Variants in TGM3 observed in about 807,000 individuals in gnomAD.
The protein encoded by TGM3 is protein-glutamine gamma-glutamyltransferase E.
In TGM3, 52 loss-of-function variants were observed where a neutral mutation model predicts 73.8. The observed-to-expected ratio is 0.70, with a 90% confidence interval of 0.56 to 0.89. The LOEUF is 0.89. Among genes scored for constraint, TGM3 ranks in the 40% least tolerant of loss-of-function variants. The pLI is 0.00. For synonymous variants in TGM3, 372 were observed against 354.9 expected, an observed-to-expected ratio of 1.05 and a Z score of -0.54; for missense variants, 928 against 909.9, an observed-to-expected ratio of 1.02 and a Z score of -0.26.
Position 2,334,799 on chromosome 20 carries a change from TA to T in TGM3, c.1643-308del, listed in dbSNP as rs959960331. On this transcript the variant is annotated intron_variant, in intron 10 of 12. Transcript: ENST00000381458. The surrounding 1 kb of genome is among the most constrained non-coding windows in gnomAD (Gnocchi z 4.0). Reference sequence around the variant, plus strand: ...TCTCTACAAATAATTTAAAAAATTTTAAAAAAAAAGGACACTTGCCCTCCAA... The same window carrying T: ...TCTCTACAAATAATTTAAAAAATTTTAAAAAAAAGGACACTTGCCCTCCAA... Among the ~76,000 whole-genome samples the T allele has an allele frequency of 2.7e-4, 41 of 151,714 alleles. No homozygotes were observed. Among genetic ancestry groups the T allele is most frequent in the East Asian group, 1.6e-3 (8 of 5,156 alleles).
intron 7 of TGM3, among the ~76,000 whole-genome samples, chr20:2,319,786 G>C (rs1450677548): frequency 6.6e-6 from 1 of 152,186 alleles, no homozygotes; most frequent in Non-Finnish European, 1.5e-5. Flanking sequence ...CTGATGGTTG[G>C]GGGAGCCAGC....
rs757588512 is a variant in TGM3, at chr20:2,317,162, A to T, written c.764A>T (p.Glu255Val). The stretch of plus-strand genomic sequence containing the variant: ...CCAAGGAGCTGGAACGGCAGCGTGG[A>T]GATCCTCAAAAATTGGAAAAAATCT... ...RDPRSWNGSV[E>V]ILKNWKKSGF... Residue 255 changes from glutamate (E) to valine (V), a missense_variant, in exon 6 of 13, where the codon GAG (glutamate) becomes GTG (valine). Glu to Val is a moderately radical substitution (Grantham distance 121). Transcript: ENST00000381458. 7.9e-5 allele frequency: 127 copies of T among 1,614,120 alleles called. No homozygotes were observed. The highest frequency in any genetic ancestry group is 1.0e-4 in the Non-Finnish European group (121 of 1,180,008).
intron 1 of TGM3, among the ~76,000 whole-genome samples, chr20:2,302,304 T>A (rs2084152502): frequency 6.6e-6 from 1 of 152,190 alleles, no homozygotes; most frequent in Non-Finnish European, 1.5e-5. Context: ...ACTAGCAACT[T>A]CCCTTTCACA....
intron 8 of TGM3, among the ~76,000 whole-genome samples, chr20:2,327,360 C>A (rs2084293845): frequency 6.6e-6 from 1 of 152,010 alleles, no homozygotes; most frequent in Non-Finnish European, 1.5e-5. Context: ...CCTGTAGTCC[C>A]AGCTACTGAG....
Position 2,312,972 on chromosome 20 carries a change from T to C in TGM3, c.615T>C (p.Thr205=), listed in dbSNP as rs1374027048. Reference sequence around the variant, plus strand: ...TGAATTTCCGCCGTGACGCTGCTACTGATGTGGCCAGCAGAAATGACCCCA... The same window carrying C: ...TGAATTTCCGCCGTGACGCTGCTACCGATGTGGCCAGCAGAAATGACCCCA... ...RSLNFRRDAA[T]DVASRNDPKY... is the part of the protein sequence containing the mutation. Residue 205 remains threonine (T), a synonymous_variant, in exon 5 of 13, where the codon ACT becomes ACC. Transcript: ENST00000381458. 3 of 1,614,120 alleles carry C rather than the reference T, an allele frequency of 1.9e-6. No individual in the cohort carries two copies. The highest frequency in any genetic ancestry group is 2.5e-6 in the Non-Finnish European group (3 of 1,180,036).
At chr20:2,302,906 T>C (rs542164736) in intron 1 of TGM3, among the ~76,000 whole-genome samples, 4 of 152,302 alleles carry the variant, frequency 2.6e-5, no homozygotes, top group Non-Finnish European at 4.4e-5. Flanking sequence ...GAGCTACTGA[T>C]GCATCCTCCA....
chr20:2,324,142 A>T lies in TGM3; in HGVS notation c.984-1707A>T, dbSNP rs549189819. Among the ~76,000 whole-genome samples the T allele has an allele frequency of 2.6e-5, 4 of 152,068 alleles. No individual in the cohort carries two copies. The East Asian group carries it at 7.8e-4, about 29-fold the overall frequency. On this transcript the variant is annotated intron_variant, in intron 7 of 12. Coordinates refer to ENST00000381458, the MANE Select transcript of TGM3 (RefSeq NM_003245.4). ...ATTGACTCTTTCCTCTGTCATCTCT[A>T]TCCTGCTATTAAGTTTATTTATCAT... is the stretch of plus-strand genomic sequence containing the variant.
At chr20:2,297,538 T>A (rs1190905649) in intron 1 of TGM3, among the ~76,000 whole-genome samples, 1 of 152,194 alleles carries the variant, frequency 6.6e-6, no homozygotes, top group African/African-American at 2.4e-5. Context: ...GGACCTCCCG[T>A]GGACTCTCAG....
In TGM3 at chr20:2,317,284, T is replaced by C. The variant is rs369015761; in HGVS notation, c.847+39T>C. 8.1e-6 allele frequency: 13 copies of C among 1,613,524 alleles called. No homozygotes were observed. In the African/African-American group the frequency reaches 1.7e-4, roughly 22 times the overall value. On this transcript the variant is annotated intron_variant, in intron 6 of 12. Transcript: ENST00000381458. ...GGTGTGCCTTGGCTGGGTCAGTGGG[T>C]GGCAGTGGGCTATGCCAAGGTACCA...
chr20:2,312,917 G>A lies in TGM3; in HGVS notation c.560G>A (p.Ser187Asn). 1 of 1,614,134 alleles carries A rather than the reference G, an allele frequency of 6.2e-7. No homozygotes were observed. The highest frequency in any genetic ancestry group is 8.5e-7 in the Non-Finnish European group (1 of 1,180,032). Residue 187 changes from serine (S) to asparagine (N), a missense_variant, in exon 5 of 13, where the codon AGC (serine) becomes AAC (asparagine). Ser to Asn is a conservative substitution (Grantham distance 46). Transcript: ENST00000381458. ...NFGQFEEDIL[S>N]ICLSILDRSL... Reference sequence around the variant, plus strand: ...GAACAGTTTGAAGAAGACATTCTCAGCATCTGCCTCTCAATCTTGGATAGG... The same window carrying A: ...GAACAGTTTGAAGAAGACATTCTCAACATCTGCCTCTCAATCTTGGATAGG...
In TGM3 at chr20:2,317,335, C is replaced by A; in HGVS notation, c.848-15C>A. On this transcript the variant is annotated splice_polypyrimidine_tract_variant and intron_variant, in intron 6 of 12. Transcript: ENST00000381458. ...TCTCCACCACCTGAGTCCTCACGCC[C>A]ACCCTGACTTGCAGCGCTGCGGTCT... 1 of 1,614,210 alleles carries A rather than the reference C, an allele frequency of 6.2e-7. No individual in the cohort carries two copies. Among genetic ancestry groups the A allele is most frequent in the Non-Finnish European group, 8.5e-7 (1 of 1,180,038 alleles).
In TGM3 at chr20:2,328,303, G is replaced by T. The variant is rs543974677; in HGVS notation, c.1271G>T (p.Ser424Ile). 6.2e-7 allele frequency: 1 copy of T among 1,614,172 alleles called. No homozygotes were observed. The highest frequency in any genetic ancestry group is 1.3e-5 in the African/African-American group (1 of 75,040). Residue 424 changes from serine (S) to isoleucine (I), a missense_variant, in exon 9 of 13, where the codon AGC (serine) becomes ATC (isoleucine). Ser to Ile is a moderately radical substitution (Grantham distance 142). Transcript: ENST00000381458. This position sits in a 1 kb window ranked among gnomAD's most constrained non-coding sequence, Gnocchi z 5.2. ...VNSHTIGRYI[S>I]TKAVGSNARM... ...AGTCACACCATTGGCAGGTACATCAGCACCAAGGCGGTGGGCAGCAATGCT... is the reference window on the plus strand; with the variant it reads ...AGTCACACCATTGGCAGGTACATCATCACCAAGGCGGTGGGCAGCAATGCT...
intron 6 of TGM3, 34 bp downstream of exon 6, chr20:2,317,279 G>A (rs6137668): frequency 6.2e-7 from 1 of 1,613,624 alleles, no homozygotes; most frequent in African/African-American, 1.3e-5. Flanking sequence ...GGCTGGGTCA[G>A]TGGGTGGCAG....
chr20:2,301,481 T>A (rs1289622936), intron 1 of TGM3, among the ~76,000 whole-genome samples: 1 of 148,030 alleles, frequency 6.8e-6, no homozygotes, highest in African/African-American at 2.5e-5. Flanking sequence ...CCAGTTGCCA[T>A]CCATTAGCAG....
At position 2,332,067 on chromosome 20, in the gene TGM3, G is replaced by C. The variant is rs1568632666; in HGVS notation, c.1399G>C (p.Ala467Pro). 6.2e-7 allele frequency: 1 copy of C among 1,614,170 alleles called. No individual in the cohort carries two copies. The highest frequency in any genetic ancestry group is 8.5e-7 in the Non-Finnish European group (1 of 1,180,028). Residue 467 changes from alanine (A) to proline (P), a missense_variant, in exon 10 of 13, where the codon GCC becomes CCC. By Grantham distance (27) the Ala-to-Pro change is conservative. Transcript: ENST00000381458. The surrounding 1 kb of genome is among the most constrained non-coding windows in gnomAD (Gnocchi z 4.4). ...LGKLKPNTPF[A>P]ATSSMGLETE... Reference sequence around the variant, plus strand: ...GAAACTTAAACCCAACACGCCATTTGCCGCGACGTCTTCAATGGGTTTGGA... The same window carrying C: ...GAAACTTAAACCCAACACGCCATTTCCCGCGACGTCTTCAATGGGTTTGGA...
intron 12 of TGM3, 53 bp downstream of exon 12, chr20:2,340,040 G>GGGGGGGGGGGGGGGGGGC: frequency 4.2e-5 from 40 of 944,790 alleles, no homozygotes; most frequent in Non-Finnish European, 6.3e-5. Flanking sequence ...GGGCGGGGGG[G>GGGGGGGGGGGGGGGGGGC]CCCTCCAGAT....
chr20:2,337,254 T>C (rs1473959291), intron 11 of TGM3, among the ~76,000 whole-genome samples: 1 of 152,168 alleles, frequency 6.6e-6, no homozygotes, highest in African/African-American at 2.4e-5. Flanking sequence ...GTGCCCTGCG[T>C]GTGACAGCCT....
At chr20:2,329,637 A>T (rs1000009856) in intron 9 of TGM3, among the ~76,000 whole-genome samples, 14 of 152,220 alleles carry the variant, frequency 9.2e-5, no homozygotes, top group Admixed American at 6.5e-4. Context: ...AGAAACAAGC[A>T]TAGGGGGTCA....
chr20:2,296,657 C>T (rs186751248), intron 1 of TGM3, among the ~76,000 whole-genome samples: 5 of 152,226 alleles, frequency 3.3e-5, no homozygotes, highest in Admixed American at 6.5e-5. Context: ...GAAGCCTCCC[C>T]GTAGCAGGAG....
Sources: allele counts gnomAD v4.1 joint callset (sites outside exome capture counted in the v4.1 genomes callset), GRCh38; gene constraint gnomAD v4.1.1; non-coding constraint Gnocchi (gnomAD v3.1); transcripts MANE v1.5; gene names NCBI Gene and HGNC (gene_info 2026-07-23, HGNC 2026-07-21).